The following CRKL variants were observed in gnomAD, a reference collection of about 807,000 sequenced individuals.
CRKL encodes the protein CRK like proto-oncogene, adaptor protein, also known as crk-like protein.
Under a neutral mutation model 23.0 loss-of-function variants are expected in CRKL, and 3 were observed. That is an observed-to-expected ratio of 0.13 (90% CI 0.06 to 0.34). The LOEUF (loss-of-function observed/expected upper bound fraction) is 0.34. Ranked by LOEUF, CRKL falls within the 10% of genes least tolerant of loss-of-function variation. The pLI, the probability that CRKL is intolerant of heterozygous loss-of-function variation, is 1.00. For synonymous variants in CRKL, 188 were observed against 160.7 expected (o/e 1.17, Z -1.28); for missense variants, 256 against 394.5 (o/e 0.65, Z 2.97).
intron 1 of CRKL, among the ~76,000 whole-genome samples, chr22:20,920,744 C>CT (rs1233753694): frequency 6.6e-6 from 1 of 152,068 alleles, no homozygotes; most frequent in Non-Finnish European, 1.5e-5. Context: ...ACCTTTGCAC[C>CT]TTTGCTCCAG....
At chr22:20,944,139 C>CTTTTTTTTTTTTTTTTT (rs57177824) in intron 2 of CRKL, among the ~76,000 whole-genome samples, 1 of 105,858 alleles carries the variant, frequency 9.4e-6, no homozygotes, top group African/African-American at 3.7e-5. Context: ...GTAGTATTAG[C>CTTTTTTTTTTTTTTTTT]TTTTTTTTTT....
rs2147891690 is a variant in CRKL, at chr22:20,918,087, G to T, written c.153G>T (p.Ser51=). ...SSTCPGDYVL[S]VSENSRVSHY... The stretch of plus-strand genomic sequence containing the variant: ...CCTGCCCTGGGGACTATGTGCTGTC[G>T]GTGTCCGAGAACTCGCGGGTCTCCC... Residue 51 remains serine (S), a synonymous_variant, in exon 1 of 3, where the codon TCG becomes TCT. Coordinates refer to ENST00000354336, the MANE Select transcript of CRKL (RefSeq NM_005207.4). 1 of 1,614,206 alleles carries T rather than the reference G, an allele frequency of 6.2e-7. No homozygotes were observed. Among genetic ancestry groups the T allele is most frequent in the Non-Finnish European group, 8.5e-7 (1 of 1,180,028 alleles).
intron 2 of CRKL, among the ~76,000 whole-genome samples, chr22:20,938,074 A>G (rs1921728940): frequency 6.6e-6 from 1 of 152,138 alleles, no homozygotes; most frequent in Admixed American, 6.6e-5. Context: ...TGATCTTGTT[A>G]AAAACAACTC....
rs1014887127 is a variant in CRKL, at chr22:20,950,345, T to G, written c.*500T>G. The G allele has an allele frequency of 2.6e-5, 6 of 233,066 alleles. No individual in the cohort carries two copies. The highest frequency in any genetic ancestry group is 6.6e-5 in the African/African-American group (3 of 45,250). The allele number at this position is 233,066 out of a possible 1,614,324, so 14.4% of individuals were successfully genotyped here. Reference sequence around the variant, plus strand: ...AAATCTGGCTTTTTTTTTTCTTTTGTTTTGGTTTGGTTTTGGAAAACTAAT... The same window carrying G: ...AAATCTGGCTTTTTTTTTTCTTTTGGTTTGGTTTGGTTTTGGAAAACTAAT... On this transcript the variant is annotated 3_prime_UTR_variant, in exon 3 of 3. Transcript: ENST00000354336.
Position 20,950,932 on chromosome 22 carries a change from C to T in CRKL, c.*1087C>T, listed in dbSNP as rs565285662. The T allele has an allele frequency of 4.3e-6, 1 of 232,446 alleles. No homozygotes were observed. Among genetic ancestry groups the T allele is most frequent in the South Asian group, 1.8e-4 (1 of 5,524 alleles). The allele number at this position is 232,446 out of a possible 1,614,324, so 14.4% of individuals were successfully genotyped here. Reference sequence around the variant, plus strand: ...ACAAAATAATGCAGTTGTGGTGTGCCATGCTATGTGCACAGCCCCTTGGAT... The same window carrying T: ...ACAAAATAATGCAGTTGTGGTGTGCTATGCTATGTGCACAGCCCCTTGGAT... On this transcript the variant is annotated 3_prime_UTR_variant, in exon 3 of 3. Transcript: ENST00000354336.
intron 2 of CRKL, among the ~76,000 whole-genome samples, chr22:20,935,091 G>A (rs1921601315): frequency 6.6e-6 from 1 of 152,016 alleles, no homozygotes; most frequent in Admixed American, 6.6e-5. Flanking sequence ...TGGGATTACA[G>A]GTGTGAGCCA....
In CRKL at chr22:20,939,671, C is replaced by G. The variant is rs187330088; in HGVS notation, c.777+5427C>G. On this transcript the variant is annotated intron_variant, in intron 2 of 2. Transcript: ENST00000354336. ...AAGTCCCCTTCTTGTGTTTGCCTAG[C>G]CCAGTGTGTGGACTTAAAAGTGCAT... 1.2e-4 allele frequency among the ~76,000 whole-genome samples: 11 copies of G among 88,060 alleles called. No individual in the cohort carries two copies. The East Asian group carries it at 5.1e-3, about 41-fold the overall frequency. 57.8% of individuals were successfully genotyped at this position (88,060 alleles called of 152,430 possible). A position where few individuals can be genotyped will look rare whatever the true frequency, so the allele number is the denominator to read the frequency against.
At chr22:20,921,264 A>G (rs987655166) in intron 1 of CRKL, among the ~76,000 whole-genome samples, 3 of 152,238 alleles carry the variant, frequency 2.0e-5, no homozygotes, top group Admixed American at 6.5e-5. Flanking sequence ...ATTTGTAACA[A>G]TAATGTCCTA....
chr22:20,935,211 C>T (rs958157598), intron 2 of CRKL, among the ~76,000 whole-genome samples: 1 of 152,172 alleles, frequency 6.6e-6, no homozygotes, highest in African/African-American at 2.4e-5. Flanking sequence ...CTCCTGGGTT[C>T]AAATGATTAT....
At chr22:20,942,775 C>G (rs1448953744) in intron 2 of CRKL, among the ~76,000 whole-genome samples, 1 of 152,156 alleles carries the variant, frequency 6.6e-6, no homozygotes, top group Non-Finnish European at 1.5e-5. Context: ...GCACGTGCCA[C>G]CACACCTGGC....
chr22:20,934,170 A>T lies in CRKL; in HGVS notation c.703A>T (p.Asn235Tyr). ...AATCACCCCTTTGCCATCCACACAG[A>T]ATGGACCTGTCTTTGCGAAAGCAAT... The part of the protein sequence containing the change: ...AAITPLPSTQ[N>Y]GPVFAKAIQK... Residue 235 changes from asparagine to tyrosine, a missense_variant, in exon 2 of 3, where the codon AAT (asparagine) becomes TAT (tyrosine). Coordinates refer to ENST00000354336, the MANE Select transcript of CRKL (RefSeq NM_005207.4). 1 of 1,614,208 alleles carries T rather than the reference A, an allele frequency of 6.2e-7. No individual in the cohort carries two copies. Among genetic ancestry groups the T allele is most frequent in the Non-Finnish European group, 8.5e-7 (1 of 1,180,034 alleles).
At position 20,952,115 on chromosome 22, in the gene CRKL, G is replaced by A; in HGVS notation, c.*2270G>A. 1 of 226,832 alleles carries A rather than the reference G, an allele frequency of 4.4e-6. No individual in the cohort carries two copies. Among genetic ancestry groups the A allele is most frequent in the Non-Finnish European group, 8.7e-6 (1 of 115,040 alleles). The allele number at this position is 226,832 out of a possible 1,614,324, so 14.1% of individuals were successfully genotyped here. A position where few individuals can be genotyped will look rare whatever the true frequency, so the allele number is the denominator to read the frequency against. ...TGAGCCATGAGTGGAGTTTCCAACAGAGGGAGGAATGTGTGCCTTGTTCAA... is the reference window on the plus strand; with the variant it reads ...TGAGCCATGAGTGGAGTTTCCAACAAAGGGAGGAATGTGTGCCTTGTTCAA... On this transcript the variant is annotated 3_prime_UTR_variant, in exon 3 of 3. Transcript: ENST00000354336.
chr22:20,921,876 T>C (rs1039413428), intron 1 of CRKL, among the ~76,000 whole-genome samples: 1 of 148,212 alleles, frequency 6.7e-6, no homozygotes, highest in Non-Finnish European at 1.5e-5. Context: ...GCCGGGCAAA[T>C]TTTTTGTATT....
chr22:20,920,435 G>A (rs1034728241), intron 1 of CRKL, among the ~76,000 whole-genome samples: 2 of 151,958 alleles, frequency 1.3e-5, no homozygotes, highest in East Asian at 1.9e-4. Flanking sequence ...CCGGGAGGCG[G>A]AGGTTGCAGT....
At chr22:20,918,375 G>T in intron 1 of CRKL, 130 bp downstream of exon 1, 1 of 1,066,242 alleles carries the variant, frequency 9.4e-7, no homozygotes, top group Non-Finnish European at 1.3e-6. Context: ...TTTTCCAGAA[G>T]GCCTTCCTAA....
intron 2 of CRKL, 108 bp from the exon 3 acceptor site, chr22:20,949,603 A>G: frequency 6.9e-7 from 1 of 1,451,972 alleles, no homozygotes; most frequent in South Asian, 1.2e-5. Context: ...CCCTGTGTCT[A>G]AATAATAATG....
rs1048993859 is a variant in CRKL, at chr22:20,939,145, G to A, written c.777+4901G>A. On this transcript the variant is annotated intron_variant, in intron 2 of 2. Coordinates refer to ENST00000354336, the MANE Select transcript of CRKL (RefSeq NM_005207.4). ...TCACTTCAACAAAAGTTTATTGAGT[G>A]CCTATTATGTGACAGGCTAGGAACT... Among the ~76,000 whole-genome samples the A allele has an allele frequency of 6.6e-5, 10 of 151,518 alleles. No individual in the cohort carries two copies. The East Asian group carries it at 1.7e-3, about 26-fold the overall frequency.
intron 1 of CRKL, among the ~76,000 whole-genome samples, chr22:20,921,993 C>G (rs1569131357): frequency 6.8e-6 from 1 of 146,364 alleles, no homozygotes; most frequent in Non-Finnish European, 1.5e-5. Context: ...CAAGTGTGAG[C>G]CACTGCGCCC....
intron 2 of CRKL, among the ~76,000 whole-genome samples, chr22:20,947,982 C>G (rs1922130021): frequency 6.6e-6 from 1 of 152,142 alleles, no homozygotes. Context: ...CTGCGCCCGG[C>G]CACTTTGTGC....
Sources: allele counts gnomAD v4.1 joint callset (sites outside exome capture counted in the v4.1 genomes callset), GRCh38; gene constraint gnomAD v4.1.1; transcripts MANE v1.5; gene names NCBI Gene and HGNC (gene_info 2026-07-23, HGNC 2026-07-21).